SGCZ: variants seen among roughly 807,000 people sequenced by gnomAD.
SGCZ encodes sarcoglycan zeta.
Under a neutral mutation model 41.3 loss-of-function variants are expected in SGCZ, and 40 were observed. The ratio of observed to expected loss-of-function variants is 0.97; its 90% CI spans 0.75 to 1.26. The LOEUF (loss-of-function observed/expected upper bound fraction) is 1.26. Ranked by LOEUF, SGCZ falls within the 50% of genes most tolerant of loss-of-function variation. The pLI is 0.00. For missense variants in SGCZ, 552 were observed against 369.8 expected, an observed-to-expected ratio of 1.49 and a Z score of -4.04; for synonymous variants, 206 against 137.5, an observed-to-expected ratio of 1.50 and a Z score of -3.49.
chr8:15,147,371 C>T (rs1455909643), intron 1 of SGCZ, among the ~76,000 whole-genome samples: 4 of 152,136 alleles, frequency 2.6e-5, no homozygotes, highest in Non-Finnish European at 5.9e-5. Context: ...CTCCGCCTCC[C>T]GGGTTCAAAC....
intron 1 of SGCZ, among the ~76,000 whole-genome samples, chr8:14,949,362 G>A (rs1176563846): frequency 6.6e-6 from 1 of 152,084 alleles, no homozygotes; most frequent in Non-Finnish European, 1.5e-5. Context: ...AATTTTAAAA[G>A]TACAGAAAAT....
At chr8:14,527,802 G>A (rs1011839811) in intron 2 of SGCZ, among the ~76,000 whole-genome samples, 6 of 152,044 alleles carry the variant, frequency 3.9e-5, no homozygotes, top group Middle Eastern at 3.2e-3. Context: ...GTCCTATTGA[G>A]TAACCCATGT....
chr8:14,813,360 A>C (rs748385208), intron 1 of SGCZ, among the ~76,000 whole-genome samples: 4 of 152,204 alleles, frequency 2.6e-5, no homozygotes, highest in Non-Finnish European at 5.9e-5. Context: ...ACCCACTTAG[A>C]GATGAAACAA....
At chr8:14,734,082 C>G (rs1391879005) in intron 1 of SGCZ, among the ~76,000 whole-genome samples, 1 of 152,138 alleles carries the variant, frequency 6.6e-6, no homozygotes, top group Non-Finnish European at 1.5e-5. Flanking sequence ...ATCACGGAAA[C>G]AGCAATCATG....
chr8:14,673,385 T>C (rs1808168076), intron 1 of SGCZ, among the ~76,000 whole-genome samples: 1 of 152,156 alleles, frequency 6.6e-6, no homozygotes, highest in Non-Finnish European at 1.5e-5. Flanking sequence ...GGTGGTTTTA[T>C]AAGTGGCAGT....
At chr8:14,645,431 T>C (rs1807175162) in intron 1 of SGCZ, among the ~76,000 whole-genome samples, 1 of 147,160 alleles carries the variant, frequency 6.8e-6, no homozygotes, top group South Asian at 2.1e-4. Context: ...TATTTGCAGG[T>C]TTCTTTATGA....
chr8:14,718,958 T>C (rs1809790421), intron 1 of SGCZ, among the ~76,000 whole-genome samples: 1 of 149,042 alleles, frequency 6.7e-6, no homozygotes, highest in African/African-American at 2.5e-5. Context: ...ACCCATTAAC[T>C]CGTCATTTAG....
chr8:14,445,249 A>G (rs1800397880), intron 2 of SGCZ, among the ~76,000 whole-genome samples: 2 of 152,220 alleles, frequency 1.3e-5, no homozygotes, highest in South Asian at 2.1e-4. Flanking sequence ...CTCGCAGCCC[A>G]AAGTGGTAAC....
intron 1 of SGCZ, among the ~76,000 whole-genome samples, chr8:14,734,297 C>T (rs1453183355): frequency 6.6e-6 from 1 of 151,894 alleles, no homozygotes; most frequent in Non-Finnish European, 1.5e-5. Flanking sequence ...AAGATATCTA[C>T]AAAATTGTAA....
chr8:14,586,347 A>G (rs190657610), intron 1 of SGCZ, among the ~76,000 whole-genome samples: 214 of 151,974 alleles, frequency 1.4e-3, no homozygotes, highest in African/African-American at 4.9e-3. Context: ...CCAAGTAGCT[A>G]GGACTACAGG....
At chr8:15,028,105 C>T (rs1353108738) in intron 1 of SGCZ, among the ~76,000 whole-genome samples, 1 of 152,070 alleles carries the variant, frequency 6.6e-6, no homozygotes, top group African/African-American at 2.4e-5. Context: ...CTTTCCTCCA[C>T]TAATAAAGAC....
At chr8:14,205,952 T>C (rs1247324017) in intron 4 of SGCZ, among the ~76,000 whole-genome samples, 1 of 152,130 alleles carries the variant, frequency 6.6e-6, no homozygotes, top group Non-Finnish European at 1.5e-5. Flanking sequence ...TTCGAGTTCA[T>C]ATAGGCTAAG....
intron 1 of SGCZ, among the ~76,000 whole-genome samples, chr8:14,856,536 C>G (rs1803551327): frequency 6.6e-6 from 1 of 152,154 alleles, no homozygotes; most frequent in Non-Finnish European, 1.5e-5. Context: ...TACTGAGAAG[C>G]TGAGCTCTCT....
At chr8:14,554,961 A>G in intron 1 of SGCZ, 35 bp from the exon 2 acceptor site, 5 of 1,461,670 alleles carry the variant, frequency 3.4e-6, no homozygotes, top group South Asian at 2.9e-5. Flanking sequence ...AGAAAGAAGG[A>G]AAAAAAAAGA....
chr8:15,066,937 C>T (rs965587625), intron 1 of SGCZ, among the ~76,000 whole-genome samples: 9 of 152,114 alleles, frequency 5.9e-5, no homozygotes, highest in African/African-American at 2.2e-4. Context: ...TACCTTTATA[C>T]ATATCATCTG....
chr8:14,139,716 C>T (rs1193147889), intron 5 of SGCZ, among the ~76,000 whole-genome samples: 1 of 152,088 alleles, frequency 6.6e-6, no homozygotes, highest in East Asian at 1.9e-4. Flanking sequence ...CAAAAAAAGT[C>T]CAGGACTTCA....
intron 3 of SGCZ, among the ~76,000 whole-genome samples, chr8:14,310,679 G>T (rs935763545): frequency 2.0e-5 from 3 of 151,976 alleles, no homozygotes; most frequent in African/African-American, 7.2e-5. Context: ...ACAGTGAATT[G>T]TCTTTTAGGC....
chr8:15,152,533 A>C (rs1799208396), intron 1 of SGCZ, among the ~76,000 whole-genome samples: 1 of 152,350 alleles, frequency 6.6e-6, no homozygotes, highest in Non-Finnish European at 1.5e-5. Context: ...AAACAGGTGG[A>C]GGCAACTTAT....
intron 4 of SGCZ, among the ~76,000 whole-genome samples, chr8:14,198,175 T>C (rs77550874): frequency 0.025 from 3,783 of 152,350 alleles, 155 homozygotes; most frequent in African/African-American, 0.085. Flanking sequence ...CATCTCATTC[T>C]GTCCCACCTG....
Sources: allele counts gnomAD v4.1 joint callset (sites outside exome capture counted in the v4.1 genomes callset), GRCh38; gene constraint gnomAD v4.1.1; transcripts MANE v1.5; gene names NCBI Gene and HGNC (gene_info 2026-07-23, HGNC 2026-07-21).